The following GNA12 variants were observed in gnomAD, a reference collection of about 807,000 sequenced individuals.
GNA12 encodes G protein subunit alpha 12.
GNA12 carries 9 observed loss-of-function variants against 26.0 expected under a neutral mutation model. The observed-to-expected ratio is 0.35, with a 90% CI of 0.21 to 0.60. The LOEUF (loss-of-function observed/expected upper bound fraction) is 0.60, where lower values mean the gene tolerates loss of function less well. Ranked by LOEUF, GNA12 falls within the 20% of genes least tolerant of loss-of-function variation. The pLI is 0.78. For missense variants in GNA12, 405 were observed against 525.8 expected (o/e 0.77, Z 2.25); for synonymous variants, 264 against 219.6 (o/e 1.20, Z -1.79).
At chr7:2,833,948 C>CA (rs1778755685) in intron 1 of GNA12, among the ~76,000 whole-genome samples, 1 of 152,122 alleles carries the variant, frequency 6.6e-6, no homozygotes, top group Non-Finnish European at 1.5e-5. Flanking sequence ...ATTTAATTTC[C>CA]AAAATTTTTA....
At chr7:2,743,132 A>G (rs958102755) in intron 2 of GNA12, among the ~76,000 whole-genome samples, 12 of 152,216 alleles carry the variant, frequency 7.9e-5, no homozygotes, top group African/African-American at 2.7e-4. Flanking sequence ...GGGAGACCTC[A>G]AGTTCTGTGC....
chr7:2,738,448 C>T (rs1413047907), intron 2 of GNA12, among the ~76,000 whole-genome samples: 1 of 152,176 alleles, frequency 6.6e-6, no homozygotes, highest in Non-Finnish European at 1.5e-5. Context: ...AGCTCCGTGG[C>T]TGGAAGGAGG....
intron 2 of GNA12, among the ~76,000 whole-genome samples, chr7:2,755,804 A>T (rs1791265807): frequency 6.6e-6 from 1 of 152,240 alleles, no homozygotes; most frequent in African/African-American, 2.4e-5. Flanking sequence ...AAAACTGAAG[A>T]ACACTTGGGC....
chr7:2,741,274 G>C (rs1008558720), intron 2 of GNA12, among the ~76,000 whole-genome samples: 1 of 152,100 alleles, frequency 6.6e-6, no homozygotes, highest in Non-Finnish European at 1.5e-5. Flanking sequence ...AGGATCACTT[G>C]AGCCCAGGAG....
chr7:2,761,284 G>C (rs929002165), intron 2 of GNA12, among the ~76,000 whole-genome samples: 1 of 152,128 alleles, frequency 6.6e-6, no homozygotes, highest in Non-Finnish European at 1.5e-5. Context: ...CCTCTTCTAT[G>C]AGGTCAAAGC....
intron 2 of GNA12, among the ~76,000 whole-genome samples, chr7:2,784,311 G>C (rs1792306686): frequency 6.6e-6 from 1 of 152,038 alleles, no homozygotes; most frequent in Non-Finnish European, 1.5e-5. Context: ...GGAGAGAAGG[G>C]GTTTTGCCCC....
intron 2 of GNA12, among the ~76,000 whole-genome samples, chr7:2,791,852 G>C (rs1346267960): frequency 6.6e-6 from 1 of 152,140 alleles, no homozygotes; most frequent in Non-Finnish European, 1.5e-5. Flanking sequence ...TTAATAAAAT[G>C]CTCCATCATT....
intron 1 of GNA12, among the ~76,000 whole-genome samples, chr7:2,831,494 C>T (rs967305554): frequency 9.3e-5 from 14 of 149,986 alleles, no homozygotes; most frequent in African/African-American, 2.4e-4. Flanking sequence ...AACTACACCT[C>T]CCGGGTTCAC....
intron 2 of GNA12, among the ~76,000 whole-genome samples, chr7:2,767,667 T>G (rs1677439676): frequency 6.6e-6 from 1 of 152,236 alleles, no homozygotes; most frequent in Middle Eastern, 3.2e-3. Flanking sequence ...TCATTTGTAT[T>G]GTAACTCCTA....
chr7:2,828,442 C>A (rs920741096), intron 1 of GNA12, among the ~76,000 whole-genome samples: 12 of 152,222 alleles, frequency 7.9e-5, no homozygotes, highest in Non-Finnish European at 4.4e-5. Context: ...TAATCTTGAA[C>A]TGCTGTGCTC....
chr7:2,836,161 A>G (rs1222482461), intron 1 of GNA12: 1 of 224,474 alleles, frequency 4.5e-6, no homozygotes, highest in Non-Finnish European at 9.2e-6. Flanking sequence ...AATGAACTGC[A>G]GAGGATAGAG....
At chr7:2,748,259 A>G (rs897280195) in intron 2 of GNA12, among the ~76,000 whole-genome samples, 2 of 152,038 alleles carry the variant, frequency 1.3e-5, no homozygotes, top group African/African-American at 4.8e-5. Context: ...ACTTCAAACT[A>G]TACTACAAGG....
At chr7:2,755,310 C>T (rs1236018226) in intron 2 of GNA12, among the ~76,000 whole-genome samples, 1 of 152,222 alleles carries the variant, frequency 6.6e-6, no homozygotes, top group African/African-American at 2.4e-5. Context: ...CTGCGATTTT[C>T]ACAGGAATTG....
intron 1 of GNA12, among the ~76,000 whole-genome samples, chr7:2,831,827 G>A (rs1477899088): frequency 2.0e-5 from 3 of 152,160 alleles, no homozygotes; most frequent in Non-Finnish European, 2.9e-5. Flanking sequence ...CACATTAAAA[G>A]TGTTCTTAGT....
At chr7:2,778,179 A>G (rs2088889756) in intron 2 of GNA12, among the ~76,000 whole-genome samples, 1 of 152,252 alleles carries the variant, frequency 6.6e-6, no homozygotes. Context: ...GACTTAAAAA[A>G]AAGCATATTT....
chr7:2,825,211 A>G (rs987184561), intron 1 of GNA12, among the ~76,000 whole-genome samples: 1 of 152,162 alleles, frequency 6.6e-6, no homozygotes, highest in Non-Finnish European at 1.5e-5. Context: ...AACAAGACAG[A>G]AGGAATCCTG....
At chr7:2,754,583 A>T (rs1375728255) in intron 2 of GNA12, among the ~76,000 whole-genome samples, 2 of 65,764 alleles carry the variant, frequency 3.0e-5, no homozygotes, top group Non-Finnish European at 7.2e-5. Flanking sequence ...TCTCTACTTT[A>T]AAAAAAAAAA....
intron 1 of GNA12, among the ~76,000 whole-genome samples, chr7:2,823,169 G>A (rs1376487675): frequency 6.6e-6 from 1 of 152,186 alleles, no homozygotes; most frequent in East Asian, 1.9e-4. Context: ...GCCTTTTCCA[G>A]GCTTCCTGGT....
rs568348151 is a variant in GNA12, at chr7:2,812,337, G to C, written c.310-17194C>G. On this transcript the variant is annotated intron_variant, in intron 1 of 3. Coordinates refer to ENST00000275364, the MANE Select transcript of GNA12 (RefSeq NM_007353.3). Reference sequence around the variant, plus strand: ...AGGCCTTGGTGCTTTGCTAAAATCAGAGGCTTTGTAGGCTGGGTGCGGTGG... The same window carrying C: ...AGGCCTTGGTGCTTTGCTAAAATCACAGGCTTTGTAGGCTGGGTGCGGTGG... 1.3e-3 allele frequency among the ~76,000 whole-genome samples: 203 copies of C among 152,312 alleles called. 1 individual carries two copies. Among genetic ancestry groups the C allele is most frequent in the Admixed American group, 3.3e-3 (51 of 15,298 alleles).
Sources: allele counts gnomAD v4.1 joint callset (sites outside exome capture counted in the v4.1 genomes callset), GRCh38; gene constraint gnomAD v4.1.1; transcripts MANE v1.5; gene names NCBI Gene and HGNC (gene_info 2026-07-23, HGNC 2026-07-21).